Variants in RAB12 observed in about 807,000 individuals in gnomAD.
The protein encoded by RAB12 is RAB12, member RAS oncogene family.
A neutral mutation model predicts 28.4 loss-of-function variants in RAB12; 11 were observed. The ratio of observed to expected loss-of-function variants is 0.39; its 90% CI spans 0.24 to 0.64. RAB12 has a LOEUF of 0.64. RAB12 is among the 30% of genes least tolerant of loss of function. The pLI, the probability that RAB12 is intolerant of heterozygous loss-of-function variation, is 0.50. For missense variants in RAB12, 276 were observed against 351.1 expected (o/e 0.79, Z 1.71); for synonymous variants, 138 against 145.3 (o/e 0.95, Z 0.36).
intron 1 of RAB12, among the ~76,000 whole-genome samples, chr18:8,611,581 AGACCTT>A (rs2096003839): frequency 6.6e-6 from 1 of 152,160 alleles, no homozygotes; most frequent in African/African-American, 2.4e-5. Flanking sequence ...GGATGCTGCG[AGACCTT>A]GACCGCCATG....
chr18:8,638,119 C>A (rs772131118), intron 5 of RAB12, 30 bp from the exon 6 acceptor site: 100 of 1,497,976 alleles, frequency 6.7e-5, no homozygotes, highest in Non-Finnish European at 8.6e-5. Context: ...AAAGTTAAAA[C>A]GGATTTTTTT....
At chr18:8,623,254 A>G (rs183279816) in intron 1 of RAB12, among the ~76,000 whole-genome samples, 2 of 152,346 alleles carry the variant, frequency 1.3e-5, no homozygotes, top group East Asian at 3.9e-4. Context: ...AAAGACAGGC[A>G]TAAGAAATTA....
At chr18:8,625,479 G>C (rs1262786962) in intron 2 of RAB12, among the ~76,000 whole-genome samples, 1 of 152,198 alleles carries the variant, frequency 6.6e-6, no homozygotes, top group Non-Finnish European at 1.5e-5. Flanking sequence ...ACTCCTTCCG[G>C]CTGTACTGCT....
chr18:8,635,484 A>G (rs774449673), intron 3 of RAB12, 49 bp from the exon 4 acceptor site: 2 of 1,320,240 alleles, frequency 1.5e-6, no homozygotes, highest in Non-Finnish European at 2.2e-6. Flanking sequence ...TGCTGTCAGT[A>G]TATGGCGATG....
intron 1 of RAB12, among the ~76,000 whole-genome samples, chr18:8,621,272 C>T (rs2096009738): frequency 6.6e-6 from 1 of 152,056 alleles, no homozygotes. Flanking sequence ...CTATGACATC[C>T]CAGTATTAAA....
intron 1 of RAB12, among the ~76,000 whole-genome samples, chr18:8,621,182 G>A (rs1352274062): frequency 1.3e-5 from 2 of 152,134 alleles, no homozygotes; most frequent in African/African-American, 4.8e-5. Context: ...CAGGAACTCT[G>A]TTGACTTTTC....
chr18:8,636,150 C>G, intron 4 of RAB12, 103 bp from the exon 5 acceptor site: 1 of 763,338 alleles, frequency 1.3e-6, no homozygotes, highest in Non-Finnish European at 2.3e-6. Context: ...CTTTCTACCC[C>G]TTAATCCCAG....
rs77242592 is a variant in RAB12, at chr18:8,617,452, G to GTT, written c.515-7474_515-7473dup. Reference sequence around the variant, plus strand: ...GTTAATAATCCACTGTTTGATCATGGTTTTTTTTTTTTTAATCTCTTCCCT... The same window carrying GTT: ...GTTAATAATCCACTGTTTGATCATGGTTTTTTTTTTTTTTTAATCTCTTCCCT... On this transcript the variant is annotated intron_variant, in intron 1 of 5. Transcript: ENST00000649141. Among the ~76,000 whole-genome samples, 343 of 143,808 alleles carry GTT rather than the reference G, an allele frequency of 2.4e-3. 1 individual carries two copies. Among genetic ancestry groups the GTT allele is most frequent in the Middle Eastern group, 0.015 (4 of 270 alleles). The allele number at this position is 143,808 out of a possible 152,430, so 94.3% of individuals were successfully genotyped here.
rs2096020949 is a variant in RAB12, at chr18:8,639,169, T to TGG, written c.*907_*908insGG. On this transcript the variant is annotated 3_prime_UTR_variant, in exon 6 of 6. Transcript: ENST00000649141. ...GTTCTTTTTTTTTTTTTTTTTTTTT[T>TGG]TTTTTTTTTTTTTTTTTTTTTTTGG... 8.0e-6 allele frequency: 1 copy of TGG among 125,056 alleles called. No individual in the cohort carries two copies. Among genetic ancestry groups the TGG allele is most frequent in the Admixed American group, 8.2e-5 (1 of 12,250 alleles). The allele number at this position is 125,056 out of a possible 1,614,324, so 7.7% of individuals were successfully genotyped here.
In RAB12 at chr18:8,638,286, G is replaced by A. The variant is rs1311767122; in HGVS notation, c.*24G>A. ...GATTTCCTACTTTGGAGACAAAGTG[G>A]AAATGATTCCTGGAAAGGGGAAAAA... On this transcript the variant is annotated 3_prime_UTR_variant, in exon 6 of 6. Transcript: ENST00000649141. The A allele has an allele frequency of 2.6e-6, 4 of 1,533,418 alleles. No individual in the cohort carries two copies. The East Asian group carries it at 6.7e-5, about 26-fold the overall frequency. The allele number at this position is 1,533,418 out of a possible 1,614,324, so 95.0% of individuals were successfully genotyped here. A position where few individuals can be genotyped will look rare whatever the true frequency, so the allele number is the denominator to read the frequency against.
chr18:8,614,563 A>G (rs147201765), intron 1 of RAB12, among the ~76,000 whole-genome samples: 1 of 151,570 alleles, frequency 6.6e-6, no homozygotes, highest in East Asian at 1.9e-4. Context: ...AAGATACCAC[A>G]GTTTAAAAGT....
intron 1 of RAB12, among the ~76,000 whole-genome samples, chr18:8,622,243 C>T (rs1475804236): frequency 2.0e-5 from 3 of 152,202 alleles, no homozygotes; most frequent in Non-Finnish European, 4.4e-5. Context: ...AAAGTTACAG[C>T]TCCTTTAATT....
chr18:8,636,400 C>T (rs1248529013), intron 5 of RAB12, 43 bp downstream of exon 5: 6 of 1,167,280 alleles, frequency 5.1e-6, no homozygotes, highest in African/African-American at 1.6e-5. Context: ...TCATCTGAAA[C>T]CTGTTGTTTC....
chr18:8,624,214 A>AT (rs1192504051), intron 1 of RAB12, among the ~76,000 whole-genome samples: 1 of 152,264 alleles, frequency 6.6e-6, no homozygotes, highest in Non-Finnish European at 1.5e-5. Context: ...GTAATAAAAT[A>AT]TTGTTGTGAA....
At chr18:8,611,441 A>G (rs1598306166) in intron 1 of RAB12, among the ~76,000 whole-genome samples, 1 of 152,102 alleles carries the variant, frequency 6.6e-6, no homozygotes. Flanking sequence ...GAGTGGATGG[A>G]GGGTGAGATG....
intron 2 of RAB12, among the ~76,000 whole-genome samples, chr18:8,626,016 C>T (rs141742714): frequency 1.3e-5 from 2 of 152,272 alleles, no homozygotes; most frequent in East Asian, 3.9e-4. Context: ...ATTTGGTCAC[C>T]CTTCACTGTA....
At chr18:8,621,384 A>C (rs1156760564) in intron 1 of RAB12, among the ~76,000 whole-genome samples, 1 of 152,202 alleles carries the variant, frequency 6.6e-6, no homozygotes, top group Non-Finnish European at 1.5e-5. Flanking sequence ...TAAGCCAAAA[A>C]TTGGATTAAG....
At chr18:8,630,549 A>C (rs936838555) in intron 2 of RAB12, among the ~76,000 whole-genome samples, 6 of 152,194 alleles carry the variant, frequency 3.9e-5, no homozygotes, top group Non-Finnish European at 8.8e-5. Context: ...CATCATGGCC[A>C]GCACCAGCCT....
At position 8,635,512 on chromosome 18, in the gene RAB12, GCTT is replaced by G; in HGVS notation, c.715-17_715-15del. On this transcript the variant is annotated intron_variant, in intron 3 of 5. Transcript: ENST00000649141. ...TGGCGATGCCCATCTTTGAAATGTG[GCTT>G]CTTTTAAAATTCCACAGTATGCTTC... 2 of 1,573,236 alleles carry G rather than the reference GCTT, an allele frequency of 1.3e-6. No individual in the cohort carries two copies. The highest frequency in any genetic ancestry group is 1.7e-6 in the Non-Finnish European group (2 of 1,145,772).
Sources: gnomAD v4.1 joint callset for allele counts (sites outside exome capture counted in the v4.1 genomes callset) on GRCh38, gnomAD v4.1.1 for gene constraint, MANE v1.5 for transcripts, NCBI Gene and HGNC (gene_info 2026-07-23, HGNC 2026-07-21) for gene names.